Variants in OR7C1 observed in about 807,000 individuals in gnomAD.
OR7C1 encodes the protein olfactory receptor family 7 subfamily C member 1.
For synonymous variants in OR7C1, 152 were observed against 160.7 expected (o/e 0.95, Z 0.41); for missense variants, 324 against 383.3 (o/e 0.85, Z 1.29).
exon 5 of OR7C1, chr19:14,799,951 G>A (rs1257691708): frequency 6.2e-7 from 1 of 1,614,144 alleles, no homozygotes; most frequent in Admixed American, 1.7e-5. Flanking sequence ...GGTTGGAGAG[G>A]AAGAAGTACA....
At chr19:14,823,278 C>T (rs1480769868) in intron 1 of OR7C1, among the ~76,000 whole-genome samples, 2 of 143,888 alleles carry the variant, frequency 1.4e-5, no homozygotes, top group African/African-American at 2.7e-5. Context: ...CATGGCGAAA[C>T]CCCATCTCTA....
intron 1 of OR7C1, chr19:14,827,716 G>C: frequency 1.9e-6 from 3 of 1,614,024 alleles, no homozygotes; most frequent in East Asian, 4.5e-5. Flanking sequence ...CAGAAAAAGT[G>C]GGGGATTTCT....
chr19:14,819,325 C>G (rs569227020), intron 1 of OR7C1, among the ~76,000 whole-genome samples: 18 of 152,064 alleles, frequency 1.2e-4, no homozygotes, highest in Admixed American at 3.9e-4. Flanking sequence ...TCCCCTCACC[C>G]CCACCCCCTG....
chr19:14,826,566 A>G (rs1176389742), intron 1 of OR7C1: 2 of 152,184 alleles, frequency 1.3e-5, no homozygotes, highest in African/African-American at 4.8e-5. Flanking sequence ...TCATAAAAAC[A>G]AGTCTTCCAT....
At position 14,813,316 on chromosome 19, in the gene OR7C1, A is replaced by G. The variant is rs555807628; in HGVS notation, c.-622-3323T>C. 2.9e-3 allele frequency among the ~76,000 whole-genome samples: 444 copies of G among 152,174 alleles called. 3 individuals carry two copies. Among genetic ancestry groups the G allele is most frequent in the African/African-American group, 0.01 (434 of 41,532 alleles). On this transcript the variant is annotated intron_variant, in intron 1 of 4. Transcript: ENST00000641666. The stretch of plus-strand genomic sequence containing the variant: ...ACACCTGTAATCCCAGCACTTTGGG[A>G]GGCTGAGGTGGGCGGATCACAAGGT...
chr19:14,818,216 C>T (rs1219706367), intron 1 of OR7C1, among the ~76,000 whole-genome samples: 1 of 151,986 alleles, frequency 6.6e-6, no homozygotes, highest in East Asian at 1.9e-4. Context: ...CCTCAGCCTC[C>T]CGAGTAGCTG....
chr19:14,827,960 G>T, intron 1 of OR7C1: 4 of 1,614,226 alleles, frequency 2.5e-6, no homozygotes, highest in Middle Eastern at 1.6e-4. Context: ...GGCAGGCTAT[G>T]TAGGTGATGA....
At chr19:14,799,549 G>C (rs909197442) in exon 5 of OR7C1, 26 of 1,614,164 alleles carry the variant, frequency 1.6e-5, no homozygotes, top group East Asian at 8.9e-5. Flanking sequence ...ATATCACCAC[G>C]TTATTAATGA....
chr19:14,804,219 A>C (rs2044655905), intron 2 of OR7C1, among the ~76,000 whole-genome samples: 1 of 152,190 alleles, frequency 6.6e-6, no homozygotes, highest in Non-Finnish European at 1.5e-5. Context: ...GTCTGAAAGC[A>C]CATACAGAGC....
intron 1 of OR7C1, chr19:14,827,279 C>T: frequency 1.3e-6 from 2 of 1,538,044 alleles, no homozygotes; most frequent in South Asian, 1.3e-5. Flanking sequence ...TAGAGCCCTG[C>T]AATCATGGGC....
At chr19:14,827,804 T>C (rs2190686) in intron 1 of OR7C1, 696,499 of 1,613,794 alleles carry the variant, frequency 0.43, 155,242 homozygotes, top group East Asian at 0.66. Context: ...TCCAGGATGC[T>C]AGAACCAGCA....
At chr19:14,809,875 T>A (rs928768706) in exon 2 of OR7C1, 4 of 152,058 alleles carry the variant, frequency 2.6e-5, no homozygotes, top group Admixed American at 1.3e-4. Context: ...CCTTGCACAA[T>A]CGGTGCAGGC....
chr19:14,801,771 C>T (rs1195188542), intron 2 of OR7C1, among the ~76,000 whole-genome samples: 1 of 152,214 alleles, frequency 6.6e-6, no homozygotes, highest in Non-Finnish European at 1.5e-5. Context: ...AGGAAGCAAG[C>T]ATCCTTTTTC....
chr19:14,825,497 T>C (rs920830425), intron 1 of OR7C1: 2 of 152,206 alleles, frequency 1.3e-5, no homozygotes, highest in African/African-American at 4.8e-5. Flanking sequence ...GATCTTTTCA[T>C]TTGCTTTAGC....
chr19:14,799,850 C>A, exon 5 of OR7C1: 2 of 1,614,048 alleles, frequency 1.2e-6, no homozygotes, highest in South Asian at 1.1e-5. Flanking sequence ...ACTGAGACAG[C>A]CTGCATATGT....
intron 1 of OR7C1, among the ~76,000 whole-genome samples, chr19:14,830,554 CT>C (rs758538274): frequency 1.2e-4 from 19 of 152,188 alleles, no homozygotes; most frequent in Middle Eastern, 3.4e-3. Context: ...TCCTCGATGC[CT>C]GGCAAAATAA....
intron 1 of OR7C1, among the ~76,000 whole-genome samples, chr19:14,829,334 G>C (rs2044808445): frequency 6.6e-6 from 1 of 152,198 alleles, no homozygotes; most frequent in Non-Finnish European, 1.5e-5. Flanking sequence ...CTCCCGAGTA[G>C]CTGGGATTAC....
At chr19:14,815,794 T>C (rs1437432273) in intron 1 of OR7C1, among the ~76,000 whole-genome samples, 2 of 151,188 alleles carry the variant, frequency 1.3e-5, no homozygotes, top group African/African-American at 4.8e-5. Flanking sequence ...CGTGTGTGTG[T>C]GTGTGTGTGT....
At chr19:14,827,339 C>G (rs374106679) in intron 1 of OR7C1, 93 of 1,592,594 alleles carry the variant, frequency 5.8e-5, no homozygotes, top group Admixed American at 2.5e-4. Context: ...AATGTATTCC[C>G]AGAGCCCTCT....
Sources: gnomAD v4.1 joint callset for allele counts (sites outside exome capture counted in the v4.1 genomes callset) on GRCh38, gnomAD v4.1.1 for gene constraint, MANE v1.5 for transcripts, NCBI Gene and HGNC (gene_info 2026-07-23, HGNC 2026-07-21) for gene names.